Variants in LRCH1 observed in about 807,000 individuals in gnomAD.
LRCH1 encodes leucine-rich repeat and calponin homology domain-containing protein 1.
A neutral mutation model predicts 94.9 loss-of-function variants in LRCH1; 23 were observed. The observed-to-expected ratio is 0.24, with a 90% CI of 0.17 to 0.34. LRCH1 has a LOEUF of 0.34. LRCH1 is among the 10% of genes least tolerant of loss of function. LRCH1 has a pLI of 1.00. For missense variants in LRCH1, 790 were observed against 945.9 expected (o/e 0.84, Z 2.16); for synonymous variants, 364 against 354.9 (o/e 1.03, Z -0.29).
chr13:46,694,787 G>T, intron 8 of LRCH1, 106 bp from the exon 9 acceptor site: 1 of 1,221,756 alleles, frequency 8.2e-7, no homozygotes. Context: ...TTCTTCATAG[G>T]GAACACAGAA....
chr13:46,608,824 A>T (rs2050715735), intron 1 of LRCH1, among the ~76,000 whole-genome samples: 1 of 152,262 alleles, frequency 6.6e-6, no homozygotes, highest in South Asian at 2.1e-4. Context: ...AATTAACTCC[A>T]TAAGTTACTT....
chr13:46,619,427 A>C (rs1299836715), intron 1 of LRCH1, among the ~76,000 whole-genome samples: 1 of 152,074 alleles, frequency 6.6e-6, no homozygotes, highest in Non-Finnish European at 1.5e-5. Context: ...CTTATTTAAA[A>C]ATTTTTCTTC....
At chr13:46,671,542 A>C (rs1465124761) in intron 3 of LRCH1, among the ~76,000 whole-genome samples, 1 of 152,204 alleles carries the variant, frequency 6.6e-6, no homozygotes, top group African/African-American at 2.4e-5. Flanking sequence ...AGGAAGACTC[A>C]ATCTTGCTGT....
chr13:46,592,979 C>T (rs1213546233), intron 1 of LRCH1, among the ~76,000 whole-genome samples: 2 of 152,004 alleles, frequency 1.3e-5, no homozygotes, highest in East Asian at 1.9e-4. Context: ...CCTCTACAGT[C>T]TCCACCTGTT....
intron 17 of LRCH1, 143 bp downstream of exon 17, chr13:46,723,473 C>T (rs1243604040): frequency 3.1e-6 from 2 of 647,644 alleles, no homozygotes; most frequent in African/African-American, 3.7e-5. Flanking sequence ...GGGCAAGCCA[C>T]TTAACAACCC....
intron 13 of LRCH1, among the ~76,000 whole-genome samples, chr13:46,710,393 C>T (rs967007340): frequency 5.3e-5 from 8 of 152,232 alleles, no homozygotes; most frequent in South Asian, 2.1e-4. Context: ...GATTATGAAG[C>T]GGTTTGTAAT....
At chr13:46,668,849 A>G (rs1381470404) in intron 2 of LRCH1, among the ~76,000 whole-genome samples, 181 bp from the exon 3 acceptor site, 12 of 151,994 alleles carry the variant, frequency 7.9e-5, no homozygotes, top group East Asian at 1.9e-4. Context: ...AAAGAAAAAC[A>G]TATTTTGTTT....
chr13:46,608,145 AG>A (rs2050708535), intron 1 of LRCH1, among the ~76,000 whole-genome samples: 1 of 152,214 alleles, frequency 6.6e-6, no homozygotes, highest in Non-Finnish European at 1.5e-5. Context: ...CAAAGTTACC[AG>A]AACTTGGGAT....
chr13:46,657,692 A>ATTTTTTTTTTTTTTT lies in LRCH1; in HGVS notation c.452+7349_452+7363dup, dbSNP rs55823488. Among the ~76,000 whole-genome samples, 349 of 46,798 alleles carry ATTTTTTTTTTTTTTT rather than the reference A, an allele frequency of 7.5e-3. 50 individuals are homozygous for ATTTTTTTTTTTTTTT. The highest frequency in any genetic ancestry group is 9.5e-3 in the Non-Finnish European group (245 of 25,844). 30.7% of individuals were successfully genotyped at this position (46,798 alleles called of 152,430 possible). A position where few individuals can be genotyped will look rare whatever the true frequency, so the allele number is the denominator to read the frequency against. ...AGACGTGCGCCACCATGCCCAGCTA[A>ATTTTTTTTTTTTTTT]TTTTTTTTTTTTTTTTGGTAGAGAT... On this transcript the variant is annotated intron_variant, in intron 2 of 19. Transcript: ENST00000389797.
intron 1 of LRCH1, among the ~76,000 whole-genome samples, chr13:46,569,511 T>A (rs1349198826): frequency 6.6e-6 from 1 of 152,172 alleles, no homozygotes; most frequent in East Asian, 1.9e-4. Flanking sequence ...GCTCCCCTGG[T>A]TGTATCGTGT....
intron 1 of LRCH1, among the ~76,000 whole-genome samples, chr13:46,564,629 C>T (rs961125081): frequency 1.3e-4 from 20 of 152,176 alleles, no homozygotes; most frequent in Non-Finnish European, 2.8e-4. Flanking sequence ...AGGAATAGGC[C>T]GGGGAGCCAC....
intron 18 of LRCH1, chr13:46,750,424 T>A: frequency 1.5e-6 from 1 of 683,926 alleles, no homozygotes; most frequent in Non-Finnish European, 2.5e-6. Context: ...GTGTAGGTGA[T>A]CAAACAGGCA....
At chr13:46,692,791 T>A (rs1593356609) in intron 8 of LRCH1, 150 bp downstream of exon 8, 1 of 605,096 alleles carries the variant, frequency 1.7e-6, no homozygotes, top group Non-Finnish European at 2.9e-6. Flanking sequence ...TTGAGCTGAT[T>A]TAAAATTTAA....
intron 1 of LRCH1, among the ~76,000 whole-genome samples, chr13:46,621,091 A>G (rs1269481446): frequency 6.6e-6 from 1 of 152,190 alleles, no homozygotes; most frequent in Non-Finnish European, 1.5e-5. Flanking sequence ...CAAAGTAGGG[A>G]TGTGTATGAG....
rs1283618079 is a variant in LRCH1 at position 46,731,049 on chromosome 13, C to A, written c.2007+2065C>A. ...GAAAATAAAGGAAAGCAAAAGAAAA[C>A]AAATCATTCTTTATTCTCCTCCTAC... On this transcript the variant is annotated intron_variant, in intron 18 of 19. Coordinates refer to ENST00000389797, the MANE Select transcript of LRCH1 (RefSeq NM_001164211.2). 6.1e-5 allele frequency among the ~76,000 whole-genome samples: 9 copies of A among 148,138 alleles called. No individual in the cohort carries two copies. In the East Asian group the frequency reaches 1.6e-3, roughly 26 times the overall value.
chr13:46,621,912 C>G (rs2050884354), intron 1 of LRCH1, among the ~76,000 whole-genome samples: 1 of 151,994 alleles, frequency 6.6e-6, no homozygotes, highest in East Asian at 1.9e-4. Flanking sequence ...TTATCTAGTC[C>G]CTTCTCTGTA....
At position 46,622,188 on chromosome 13, in the gene LRCH1, G is replaced by GT. The variant is rs35066689; in HGVS notation, c.308-27999dup. Reference sequence around the variant, plus strand: ...TAAACAAGCCCACTAATTTCTATGGGTTTTTTTTTTTTTTCCCCCCAAGGC... The same window carrying GT: ...TAAACAAGCCCACTAATTTCTATGGGTTTTTTTTTTTTTTTCCCCCCAAGGC... On this transcript the variant is annotated intron_variant, in intron 1 of 19. Coordinates refer to ENST00000389797, the MANE Select transcript of LRCH1 (RefSeq NM_001164211.2). Among the ~76,000 whole-genome samples the GT allele has an allele frequency of 6.5e-4, 54 of 82,838 alleles. No homozygotes were observed. In the East Asian group the frequency reaches 9.4e-3, roughly 14 times the overall value. The allele number at this position is 82,838 out of a possible 152,430, so 54.3% of individuals were successfully genotyped here. A position where few individuals can be genotyped will look rare whatever the true frequency, so the allele number is the denominator to read the frequency against.
intron 1 of LRCH1, among the ~76,000 whole-genome samples, chr13:46,589,722 T>G (rs996107364): frequency 1.3e-5 from 2 of 150,716 alleles, no homozygotes; most frequent in Non-Finnish European, 3.0e-5. Context: ...TGTCTCAGCC[T>G]TCCGAGTAGG....
At chr13:46,689,049 G>A in intron 6 of LRCH1, 84 bp from the exon 7 acceptor site, 2 of 1,069,000 alleles carry the variant, frequency 1.9e-6, no homozygotes, top group Non-Finnish European at 2.8e-6. Flanking sequence ...ATTATTATTA[G>A]AATATAAATT....
Sources: allele counts gnomAD v4.1 joint callset (sites outside exome capture counted in the v4.1 genomes callset), GRCh38; gene constraint gnomAD v4.1.1; transcripts MANE v1.5; gene names NCBI Gene and HGNC (gene_info 2026-07-23, HGNC 2026-07-21).